The following TENM1 variants were observed in gnomAD, a reference collection of about 807,000 sequenced individuals.
The protein encoded by TENM1 is teneurin-1.
In TENM1, 35 loss-of-function variants were observed where a neutral mutation model predicts 174.8. That is an observed-to-expected ratio of 0.20 (90% CI 0.15 to 0.27). TENM1 has a LOEUF of 0.27. Among genes scored for constraint, TENM1 ranks in the 10% least tolerant of loss-of-function variants. The pLI is 1.00. For missense variants in TENM1, 1,633 were observed against 2,130.1 expected (o/e 0.77, Z 4.59); for synonymous variants, 781 against 798.7 (o/e 0.98, Z 0.37).
At chrX:124,694,333 A>T in intron 5 of TENM1, among the ~76,000 whole-genome samples, 1 of 111,621 alleles carries the variant, frequency 9.0e-6, no homozygotes, top group Non-Finnish European at 1.9e-5. Context: ...CTTCTTTTCC[A>T]TTTAGCCTCT....
At chrX:124,685,191 TA>T (rs965194707) in intron 5 of TENM1, among the ~76,000 whole-genome samples, 1 of 110,158 alleles carries the variant, frequency 9.1e-6, no homozygotes, top group African/African-American at 3.3e-5. Context: ...TAACCAACCC[TA>T]AAAAAATGGA....
the TENM1 span, among the ~76,000 whole-genome samples, chrX:125,190,943 T>C: frequency 9.0e-6 from 1 of 111,539 alleles, no homozygotes; most frequent in Non-Finnish European, 1.9e-5. Flanking sequence ...CACCTTGGTT[T>C]ATCATTTGGT....
chrX:125,176,468 C>T, the TENM1 span, among the ~76,000 whole-genome samples: 3 of 111,425 alleles, frequency 2.7e-5, no homozygotes, highest in Admixed American at 1.9e-4. Context: ...AGTTACCACA[C>T]TTACAGTTTA....
chrX:125,149,156 C>A, the TENM1 span, among the ~76,000 whole-genome samples: 10 of 110,803 alleles, frequency 9.0e-5, no homozygotes, highest in Non-Finnish European at 1.1e-4. Flanking sequence ...ACATGCATAT[C>A]AACAAGTCAA....
the TENM1 span, among the ~76,000 whole-genome samples, chrX:125,045,691 T>C: frequency 8.9e-6 from 1 of 111,906 alleles, no homozygotes; most frequent in African/African-American, 3.2e-5. Flanking sequence ...ATTCTGCCCA[T>C]CATTGTGACT....
chrX:125,016,164 T>C, the TENM1 span, among the ~76,000 whole-genome samples: 1 of 111,314 alleles, frequency 9.0e-6, no homozygotes, highest in African/African-American at 3.3e-5. Context: ...AACATCAACA[T>C]CACCATGGTT....
chrX:125,024,077 AATAGATGTTGGC>A, the TENM1 span, among the ~76,000 whole-genome samples: 3 of 111,881 alleles, frequency 2.7e-5, no homozygotes, highest in Non-Finnish European at 5.6e-5. Context: ...GTTAAAAAAC[AATAGATGTTGGC>A]ATAGATGTGA....
intron 25 of TENM1, among the ~76,000 whole-genome samples, chrX:124,417,217 C>CT (rs888919967): frequency 1.8e-5 from 2 of 109,237 alleles, no homozygotes; most frequent in East Asian, 2.9e-4. Context: ...TCTTCTCTTT[C>CT]TTTTTTTTTG....
the TENM1 span, among the ~76,000 whole-genome samples, chrX:125,142,367 A>G: frequency 2.7e-5 from 3 of 111,176 alleles, no homozygotes; most frequent in African/African-American, 9.8e-5. Context: ...TCGTACCACA[A>G]TGGTTATCAA....
At chrX:125,012,258 G>A in the TENM1 span, among the ~76,000 whole-genome samples, 3 of 111,290 alleles carry the variant, frequency 2.7e-5, no homozygotes, top group Non-Finnish European at 3.8e-5. Flanking sequence ...CCTACATGAC[G>A]GATTGATAGG....
chrX:124,491,635 T>C (rs774794152), intron 20 of TENM1, among the ~76,000 whole-genome samples: 17 of 111,798 alleles, frequency 1.5e-4, no homozygotes, highest in Non-Finnish European at 3.2e-4. Flanking sequence ...AGAAATAATA[T>C]TGTTTCTCTT....
At chrX:124,582,898 G>A (rs181089643) in intron 11 of TENM1, among the ~76,000 whole-genome samples, 28 of 112,492 alleles carry the variant, frequency 2.5e-4, no homozygotes, top group Admixed American at 2.1e-3. Flanking sequence ...ACCTGGCTTC[G>A]AGGGTCCTAC....
the TENM1 span, among the ~76,000 whole-genome samples, chrX:125,123,200 C>T: frequency 3.3e-3 from 366 of 111,390 alleles, 3 homozygotes; most frequent in African/African-American, 0.011. Context: ...TTACACATAG[C>T]AACAGATAGT....
intron 1 of TENM1, among the ~76,000 whole-genome samples, chrX:124,923,452 A>T (rs925070559): frequency 1.1e-4 from 12 of 112,227 alleles, no homozygotes; most frequent in Admixed American, 9.5e-5. Context: ...CATTTCCATT[A>T]TTGTAACAAA....
the TENM1 span, among the ~76,000 whole-genome samples, chrX:125,130,087 A>T: frequency 9.0e-6 from 1 of 111,481 alleles, no homozygotes; most frequent in Non-Finnish European, 1.9e-5. Context: ...TATCTCAATA[A>T]TCCTATGAAT....
At chrX:124,378,114 G>A (rs1005883956) in exon 32 of TENM1, 5 of 111,189 alleles carry the variant, frequency 4.5e-5, no homozygotes, top group Non-Finnish European at 9.4e-5. Context: ...TAATACAAAT[G>A]TAACTTTAAC....
intron 1 of TENM1, among the ~76,000 whole-genome samples, chrX:124,910,330 G>A (rs1284716213): frequency 8.9e-6 from 1 of 112,140 alleles, no homozygotes; most frequent in Non-Finnish European, 1.9e-5. Context: ...TCAAATTAAT[G>A]TTTCAGGCAT....
intron 10 of TENM1, among the ~76,000 whole-genome samples, chrX:124,642,608 G>A (rs953701972): frequency 9.0e-6 from 1 of 111,529 alleles, no homozygotes. Context: ...CTCCTTCTAT[G>A]AGAACACGGT....
At chrX:124,809,143 C>A (rs1834000052) in intron 3 of TENM1, among the ~76,000 whole-genome samples, 1 of 111,161 alleles carries the variant, frequency 9.0e-6, no homozygotes, top group African/African-American at 3.3e-5. Context: ...CACAGAAATA[C>A]AAAGTTTCAT....
Sources: gnomAD v4.1 joint callset for allele counts (sites outside exome capture counted in the v4.1 genomes callset) on GRCh38, gnomAD v4.1.1 for gene constraint, MANE v1.5 for transcripts, NCBI Gene and HGNC (gene_info 2026-07-23, HGNC 2026-07-21) for gene names.